CAST: variants seen among roughly 807,000 people sequenced by gnomAD.
The protein encoded by CAST is calpastatin, also known as MIR583 host.
In CAST, 76 loss-of-function variants were observed where a neutral mutation model predicts 119.6. That is an observed-to-expected ratio of 0.64 (90% CI 0.53 to 0.77). The LOEUF (loss-of-function observed/expected upper bound fraction) is 0.77, where lower values mean the gene tolerates loss of function less well. Ranked by LOEUF, CAST falls within the 30% of genes least tolerant of loss-of-function variation. The probability of loss-of-function intolerance (pLI) is 0.00; values close to 1 mark genes in which losing one functional copy is unlikely to be tolerated. For synonymous variants in CAST, 319 were observed against 331.6 expected (o/e 0.96, Z 0.41); for missense variants, 953 against 946.5 (o/e 1.01, Z -0.09).
At chr5:96,474,484 G>A in the CAST span, among the ~76,000 whole-genome samples, 37 of 152,184 alleles carry the variant, frequency 2.4e-4, 1 homozygote, top group Admixed American at 2.0e-3. Flanking sequence ...CTAGCCACAA[G>A]GAAGTGTGAA....
the CAST span, among the ~76,000 whole-genome samples, chr5:96,265,341 T>A: frequency 1.3e-5 from 2 of 151,984 alleles, no homozygotes; most frequent in Non-Finnish European, 2.9e-5. Flanking sequence ...TACATATATA[T>A]GTATACATAT....
the CAST span, among the ~76,000 whole-genome samples, chr5:96,386,909 G>T: frequency 6.6e-6 from 1 of 152,140 alleles, no homozygotes; most frequent in Admixed American, 6.5e-5. Flanking sequence ...AGGTTGCAGT[G>T]AGCCGAGATC....
chr5:96,395,296 G>C, the CAST span, among the ~76,000 whole-genome samples: 1 of 152,124 alleles, frequency 6.6e-6, no homozygotes, highest in Admixed American at 6.5e-5. Flanking sequence ...ATGTGTTCTT[G>C]GAAAGCTGAC....
the CAST span, among the ~76,000 whole-genome samples, chr5:96,131,823 A>G: frequency 3.9e-5 from 6 of 152,142 alleles, no homozygotes; most frequent in Non-Finnish European, 1.5e-5. Flanking sequence ...AGTCCCACAA[A>G]CATAAGTATC....
At chr5:96,249,720 C>T in the CAST span, among the ~76,000 whole-genome samples, 35 of 152,242 alleles carry the variant, frequency 2.3e-4, no homozygotes, top group African/African-American at 7.2e-4. Flanking sequence ...CACAGGGACA[C>T]AATCAATATT....
chr5:96,180,884 C>T, the CAST span, among the ~76,000 whole-genome samples: 1 of 152,198 alleles, frequency 6.6e-6, no homozygotes, highest in South Asian at 2.1e-4. Context: ...GAAGGCTCAG[C>T]AAGGTGTAAT....
chr5:96,416,673 G>A, the CAST span, among the ~76,000 whole-genome samples: 1 of 152,114 alleles, frequency 6.6e-6, no homozygotes, highest in South Asian at 2.1e-4. Flanking sequence ...ACACTAAAAT[G>A]TCTGAAGATT....
chr5:96,642,892 G>A (rs1747969344), intron 1 of CAST, among the ~76,000 whole-genome samples: 1 of 152,050 alleles, frequency 6.6e-6, no homozygotes, highest in African/African-American at 2.4e-5. Context: ...TGTTTCAAAG[G>A]CCTTGCATCT....
the CAST span, among the ~76,000 whole-genome samples, chr5:96,403,624 A>ATTCC: frequency 2.6e-5 from 4 of 152,232 alleles, no homozygotes; most frequent in African/African-American, 9.6e-5. Context: ...ATGTTTACAG[A>ATTCC]AAATAAGGGT....
the CAST span, among the ~76,000 whole-genome samples, chr5:96,122,181 A>G: frequency 5.9e-5 from 9 of 152,158 alleles, no homozygotes; most frequent in Non-Finnish European, 8.8e-5. Flanking sequence ...TTAGTTAGGA[A>G]AAAAATCACA....
intron 1 of CAST, among the ~76,000 whole-genome samples, chr5:96,671,336 A>C (rs762139514): frequency 6.6e-6 from 1 of 152,174 alleles, no homozygotes; most frequent in Non-Finnish European, 1.5e-5. Context: ...CAGTTCATTT[A>C]TAAAACAAGT....
At chr5:96,221,360 C>G in the CAST span, among the ~76,000 whole-genome samples, 1 of 151,982 alleles carries the variant, frequency 6.6e-6, no homozygotes, top group Non-Finnish European at 1.5e-5. Flanking sequence ...TTAAGAAAAC[C>G]TAAAGGCTCC....
chr5:96,491,848 A>C, the CAST span, among the ~76,000 whole-genome samples: 25 of 152,362 alleles, frequency 1.6e-4, no homozygotes, highest in African/African-American at 5.3e-4. Flanking sequence ...AACTACAATG[A>C]ATCTCTCAAA....
At chr5:96,534,422 C>T (rs1427269013) in intron 1 of CAST, among the ~76,000 whole-genome samples, 3 of 52,548 alleles carry the variant, frequency 5.7e-5, no homozygotes, top group African/African-American at 6.0e-5. Context: ...TGTAATCCCA[C>T]CACTTTGGGA....
rs5869727 is a variant in CAST at position 96,622,857 on chromosome 5, CTTTTTTTT to C, written c.61-52665_61-52658del. Among the ~76,000 whole-genome samples, 613 of 64,474 alleles carry C rather than the reference CTTTTTTTT, an allele frequency of 9.5e-3. 42 individuals carry two copies. The highest frequency in any genetic ancestry group is 0.05 in the Middle Eastern group (3 of 60). The allele number at this position is 64,474 out of a possible 152,430, so 42.3% of individuals were successfully genotyped here. On this transcript the variant is annotated intron_variant, in intron 1 of 11. Coordinates refer to the CAST transcript ENST00000505143. Reference sequence around the variant, plus strand: ...TAAGAAGTTAAGGACTTATGGGACTCTTTTTTTTTTTTTTTTTTTTTTTTGAGACGGAG... The same window carrying C: ...TAAGAAGTTAAGGACTTATGGGACTCTTTTTTTTTTTTTTTTGAGACGGAG...
At chr5:96,468,703 A>T in the CAST span, among the ~76,000 whole-genome samples, 1 of 152,244 alleles carries the variant, frequency 6.6e-6, no homozygotes, top group South Asian at 2.1e-4. Context: ...TTTGAGGCAG[A>T]TCATAAAGAA....
At chr5:96,655,513 A>T (rs866785227) in intron 1 of CAST, among the ~76,000 whole-genome samples, 13 of 152,198 alleles carry the variant, frequency 8.5e-5, no homozygotes, top group Non-Finnish European at 1.9e-4. Flanking sequence ...ACATAAAGAG[A>T]ATTGTTACAA....
At chr5:96,311,884 T>C in the CAST span, among the ~76,000 whole-genome samples, 1 of 152,078 alleles carries the variant, frequency 6.6e-6, no homozygotes, top group Non-Finnish European at 1.5e-5. Flanking sequence ...TGTCTTTTTA[T>C]TGGATAATTT....
chr5:96,111,631 G>T, the CAST span, among the ~76,000 whole-genome samples: 1 of 152,158 alleles, frequency 6.6e-6, no homozygotes, highest in African/African-American at 2.4e-5. Flanking sequence ...CTATTACTCA[G>T]GAAGTTGCTA....
Sources: gnomAD v4.1 joint callset for allele counts (sites outside exome capture counted in the v4.1 genomes callset) on GRCh38, gnomAD v4.1.1 for gene constraint, MANE v1.5 for transcripts, NCBI Gene and HGNC (gene_info 2026-07-23, HGNC 2026-07-21) for gene names.